PLXNA4: variants seen among roughly 807,000 people sequenced by gnomAD.
PLXNA4 encodes plexin A4, also known as plexin-A4.
PLXNA4 carries 44 observed loss-of-function variants against 191.8 expected under a neutral mutation model. That is an observed-to-expected ratio of 0.23 (90% CI 0.18 to 0.29). The LOEUF (loss-of-function observed/expected upper bound fraction) is 0.29. PLXNA4 is among the 10% of genes least tolerant of loss of function. The pLI is 1.00. For missense variants in PLXNA4, 1,800 were observed against 2,488.8 expected (o/e 0.72, Z 5.89); for synonymous variants, 1,082 against 1,009.5 (o/e 1.07, Z -1.36).
At chr7:132,277,717 TA>T (rs1416506201) in intron 4 of PLXNA4, among the ~76,000 whole-genome samples, 1 of 152,214 alleles carries the variant, frequency 6.6e-6, no homozygotes, top group Non-Finnish European at 1.5e-5. Flanking sequence ...GTTTGGTTCT[TA>T]CCCCTTTTCT....
chr7:132,233,732 C>T (rs1472451707), intron 5 of PLXNA4, among the ~76,000 whole-genome samples: 1 of 152,252 alleles, frequency 6.6e-6, no homozygotes, highest in South Asian at 2.1e-4. Flanking sequence ...GCAACCAAGG[C>T]AACCTGTCCC....
At chr7:132,351,507 G>A (rs533747430) in intron 3 of PLXNA4, among the ~76,000 whole-genome samples, 5 of 152,276 alleles carry the variant, frequency 3.3e-5, no homozygotes, top group Middle Eastern at 3.4e-3. Flanking sequence ...GAGAATGGCC[G>A]TTGGCTCCAG....
At chr7:132,211,610 G>A (rs1370021228) in intron 9 of PLXNA4, among the ~76,000 whole-genome samples, 1 of 152,246 alleles carries the variant, frequency 6.6e-6, no homozygotes, top group African/African-American at 2.4e-5. Context: ...TGGAATGTGA[G>A]TCTTGACTGC....
At chr7:132,563,162 C>G (rs1331474127) in intron 1 of PLXNA4, among the ~76,000 whole-genome samples, 1 of 79,908 alleles carries the variant, frequency 1.3e-5, no homozygotes, top group African/African-American at 4.3e-5. Context: ...TTCTCCTCCT[C>G]CTCCTTCTCC....
At chr7:132,358,203 A>C (rs918487489) in intron 3 of PLXNA4, among the ~76,000 whole-genome samples, 1 of 152,250 alleles carries the variant, frequency 6.6e-6, no homozygotes, top group African/African-American at 2.4e-5. Flanking sequence ...ATTTTGAAAT[A>C]TACAAATCCT....
At chr7:132,238,941 T>A (rs1798792176) in intron 5 of PLXNA4, among the ~76,000 whole-genome samples, 2 of 152,178 alleles carry the variant, frequency 1.3e-5, no homozygotes, top group African/African-American at 4.8e-5. Context: ...TCTCATTTGA[T>A]TCCCCAGTGA....
intron 24 of PLXNA4, among the ~76,000 whole-genome samples, chr7:132,160,547 GA>G (rs945515008): frequency 6.6e-6 from 1 of 152,208 alleles, no homozygotes; most frequent in Non-Finnish European, 1.5e-5. Flanking sequence ...GACTGGAGGG[GA>G]ACGGGGTGGG....
chr7:132,264,617 G>A (rs4731858), intron 4 of PLXNA4, among the ~76,000 whole-genome samples: 22,790 of 151,332 alleles, frequency 0.15, 2,267 homozygotes, highest in South Asian at 0.41. Flanking sequence ...GGCTCCTCAT[G>A]CCCTGAGCTA....
At chr7:132,222,373 A>G (rs1798174054) in intron 9 of PLXNA4, among the ~76,000 whole-genome samples, 1 of 152,068 alleles carries the variant, frequency 6.6e-6, no homozygotes, top group African/African-American at 2.4e-5. Context: ...CTCTCCTCCC[A>G]TGAGGGTTTG....
chr7:132,633,265 TG>T (rs1803528171), intron 2 of PLXNA4, among the ~76,000 whole-genome samples: 1 of 148,460 alleles, frequency 6.7e-6, no homozygotes, highest in Non-Finnish European at 1.5e-5. Context: ...GAGAAAACAG[TG>T]GGGCTTGAGG....
At position 132,203,529 on chromosome 7, in the gene PLXNA4, G is replaced by A. The variant is rs959793569; in HGVS notation, c.2299-110C>T. On this transcript the variant is annotated intron_variant, in intron 10 of 31. Transcript: ENST00000321063. The stretch of plus-strand genomic sequence containing the variant: ...TTAAGAGCTCACAGGCTAAAGACTG[G>A]CCAAGACTGTGCTTGTGTGCATGTG... The A allele has an allele frequency of 4.4e-6, 4 of 903,420 alleles. No homozygotes were observed. The East Asian group carries it at 9.7e-5, about 22-fold the overall frequency. The allele number at this position is 903,420 out of a possible 1,614,324, so 56.0% of individuals were successfully genotyped here. A position where few individuals can be genotyped will look rare whatever the true frequency, so the allele number is the denominator to read the frequency against.
rs1442696304 is a variant in PLXNA4 at position 132,125,105 on chromosome 7, G to A, written c.*5374C>T. On this transcript the variant is annotated 3_prime_UTR_variant, in exon 32 of 32. Transcript: ENST00000321063. ...CAGTGGATTACTTTCCAAATGAGAG[G>A]AGTGGTCATTTAGGTTTCCTGTCAA... 6.6e-6 allele frequency: 1 copy of A among 152,124 alleles called. No homozygotes were observed. The highest frequency in any genetic ancestry group is 6.5e-5 in the Admixed American group (1 of 15,268). The allele number at this position is 152,124 out of a possible 1,614,324, so 9.4% of individuals were successfully genotyped here. A position where few individuals can be genotyped will look rare whatever the true frequency, so the allele number is the denominator to read the frequency against.
intron 2 of PLXNA4, among the ~76,000 whole-genome samples, chr7:132,638,242 G>A (rs1184843895): frequency 6.6e-6 from 1 of 152,212 alleles, no homozygotes; most frequent in Non-Finnish European, 1.5e-5. Context: ...GCACAGCCCT[G>A]TGCCCATCCC....
intron 2 of PLXNA4, among the ~76,000 whole-genome samples, chr7:132,586,701 C>T (rs1348680875): frequency 1.3e-5 from 2 of 152,092 alleles, no homozygotes; most frequent in African/African-American, 4.8e-5. Flanking sequence ...TGCAGTGAGC[C>T]GAGATGGTGC....
At chr7:132,298,854 C>T (rs1028961856) in intron 3 of PLXNA4, among the ~76,000 whole-genome samples, 1 of 152,262 alleles carries the variant, frequency 6.6e-6, no homozygotes, top group Admixed American at 6.5e-5. Context: ...AAATGTGCTT[C>T]AGGCATGAGT....
chr7:132,514,516 G>T (rs1798862353), intron 1 of PLXNA4, among the ~76,000 whole-genome samples: 1 of 152,082 alleles, frequency 6.6e-6, no homozygotes. Context: ...TTTCTGGGAG[G>T]GTGTCTTGGG....
intron 3 of PLXNA4, among the ~76,000 whole-genome samples, chr7:132,382,639 T>C (rs1585059957): frequency 6.6e-6 from 1 of 152,114 alleles, no homozygotes; most frequent in Non-Finnish European, 1.5e-5. Context: ...TAACAGAGAG[T>C]ACTGGCACTG....
At chr7:132,365,354 T>TGCGC (rs1318200658) in intron 3 of PLXNA4, among the ~76,000 whole-genome samples, 5 of 125,864 alleles carry the variant, frequency 4.0e-5, no homozygotes, top group African/African-American at 1.5e-4. Context: ...TGTGTGTGTG[T>TGCGC]GTGTGTGCGT....
chr7:132,180,826 G>A (rs562536674), intron 18 of PLXNA4, 94 bp from the exon 19 acceptor site: 110 of 1,515,920 alleles, frequency 7.3e-5, no homozygotes, highest in South Asian at 5.8e-4. Context: ...GTCCCATCCC[G>A]CTGGTGAGCT....
Sources: gnomAD v4.1 joint callset for allele counts (sites outside exome capture counted in the v4.1 genomes callset) on GRCh38, gnomAD v4.1.1 for gene constraint, MANE v1.5 for transcripts, NCBI Gene and HGNC (gene_info 2026-07-23, HGNC 2026-07-21) for gene names.